The following HECTD4 variants were observed in gnomAD, a reference collection of about 807,000 sequenced individuals.
HECTD4 encodes the protein probable E3 ubiquitin-protein ligase HECTD4.
In HECTD4, 114 loss-of-function variants were observed where a neutral mutation model predicts 471.5. The ratio of observed to expected loss-of-function variants is 0.24; its 90% CI spans 0.21 to 0.28. The LOEUF (loss-of-function observed/expected upper bound fraction) is 0.28, where lower values mean the gene tolerates loss of function less well. HECTD4 is among the 10% of genes least tolerant of loss of function. The probability of loss-of-function intolerance (pLI) is 1.00; values close to 1 mark genes in which losing one functional copy is unlikely to be tolerated. For synonymous variants in HECTD4, 2,012 were observed against 2,256.0 expected (o/e 0.89, Z 3.07); for missense variants, 3,866 against 5,651.5 (o/e 0.68, Z 10.13).
At chr12:112,204,400 C>T (rs1237065113) in intron 53 of HECTD4, 86 bp downstream of exon 53, 33 of 1,294,858 alleles carry the variant, frequency 2.5e-5, no homozygotes, top group Non-Finnish European at 3.3e-5. Context: ...CCTAGGAGAA[C>T]CACCAGCTGC....
In HECTD4 at chr12:112,330,276, C is replaced by CA. The variant is rs34034288; in HGVS notation, c.178-10535dup. Among the ~76,000 whole-genome samples the CA allele has an allele frequency of 3.6e-3, 362 of 100,640 alleles. 1 individual carries two copies. The highest frequency in any genetic ancestry group is 0.02 in the Middle Eastern group (3 of 152). 66.0% of individuals were successfully genotyped at this position (100,640 alleles called of 152,430 possible). A position where few individuals can be genotyped will look rare whatever the true frequency, so the allele number is the denominator to read the frequency against. The stretch of plus-strand genomic sequence containing the variant: ...TGGGCAACAGAGTGATACTTTGTCT[C>CA]AAAAAAAAAAAAAAAGGAAGACATA... On this transcript the variant is annotated intron_variant, in intron 1 of 75. Transcript: ENST00000682272.
In HECTD4 at chr12:112,163,762, AG is replaced by A. The variant is rs1293555835; in HGVS notation, c.12702-26del. 17 of 1,432,758 alleles carry A rather than the reference AG, an allele frequency of 1.2e-5. No homozygotes were observed. Among genetic ancestry groups the A allele is most frequent in the Non-Finnish European group, 1.6e-5 (17 of 1,088,222 alleles). The allele number at this position is 1,432,758 out of a possible 1,614,324, so 88.8% of individuals were successfully genotyped here. On this transcript the variant is annotated intron_variant, in intron 73 of 75. Coordinates refer to ENST00000682272, the MANE Select transcript of HECTD4 (RefSeq NM_001388303.1). The surrounding 1 kb of genome is among the most constrained non-coding windows in gnomAD (Gnocchi z 8.2). Reference sequence around the variant, plus strand: ...CCTGCCCGGGTGAGGAGCACAGGTGAGGGAGAACACCGCCGAAGAGGCTGGG... The same window carrying A: ...CCTGCCCGGGTGAGGAGCACAGGTGAGGAGAACACCGCCGAAGAGGCTGGG...
chr12:112,293,751 G>C (rs2034948549), intron 7 of HECTD4, among the ~76,000 whole-genome samples: 1 of 152,176 alleles, frequency 6.6e-6, no homozygotes, highest in South Asian at 2.1e-4. Context: ...TCTGAGGAGG[G>C]AAACTGGGCT....
chr12:112,287,692 G>A (rs2034784039), intron 7 of HECTD4, among the ~76,000 whole-genome samples: 1 of 152,050 alleles, frequency 6.6e-6, no homozygotes, highest in African/African-American at 2.4e-5. Flanking sequence ...CCAGTAGGTA[G>A]AGGCAGAGGC....
chr12:112,262,438 C>T (rs1414297440), intron 17 of HECTD4, among the ~76,000 whole-genome samples: 2 of 136,002 alleles, frequency 1.5e-5, no homozygotes, highest in African/African-American at 5.6e-5. Flanking sequence ...ATCGTTTGAA[C>T]TCAGAAGATG....
intron 1 of HECTD4, among the ~76,000 whole-genome samples, chr12:112,362,928 C>T (rs2036480778): frequency 6.6e-6 from 1 of 151,994 alleles, no homozygotes; most frequent in South Asian, 2.1e-4. Flanking sequence ...TCTCGAATTC[C>T]CGACCTCATG....
At position 112,169,818 on chromosome 12, in the gene HECTD4, C is replaced by T. The variant is rs180692890; in HGVS notation, c.12053-160G>A. On this transcript the variant is annotated intron_variant, in intron 69 of 75. Transcript: ENST00000682272. ...TCTCTGCCCTCAGAACACCTTAGAG[C>T]CTTCTGTGCCTTAGCACTCATGGCT... The T allele has an allele frequency of 4.2e-4, 330 of 793,180 alleles. 1 individual carries two copies. The Middle Eastern group carries it at 0.012, about 28-fold the overall frequency. 49.1% of individuals were successfully genotyped at this position (793,180 alleles called of 1,614,324 possible).
rs769725649 is a variant in HECTD4 at position 112,264,127 on chromosome 12, T to C, written c.2705A>G (p.Asp902Gly). 1.2e-6 allele frequency: 2 copies of C among 1,609,312 alleles called. No individual in the cohort carries two copies. Among genetic ancestry groups the C allele is most frequent in the African/African-American group, 2.7e-5 (2 of 74,900 alleles). The change falls in exon 17 of 76, where the codon GAT becomes GGT. Residue 902 changes from aspartate to glycine, a missense_variant. Physicochemically the swap from Asp to Gly is moderately conservative, Grantham distance 94. Around this residue, in one of 16 missense-constraint regions of HECTD4, gnomAD observed 525 missense variants for 672.6 expected, o/e 0.78. Coordinates refer to ENST00000682272, the MANE Select transcript of HECTD4 (RefSeq NM_001388303.1). ...NTILIKPDEN[D>G]DSDSSLQGET... Reference sequence around the variant, plus strand: ...TCCCTGCAAGGAGCTGTCACTGTCATCATTCTCATCAGGTTTAATCAAAAT... The same window carrying C: ...TCCCTGCAAGGAGCTGTCACTGTCACCATTCTCATCAGGTTTAATCAAAAT...
intron 22 of HECTD4, among the ~76,000 whole-genome samples, chr12:112,253,669 T>G (rs2033946721): frequency 6.6e-6 from 1 of 152,250 alleles, no homozygotes; most frequent in Non-Finnish European, 1.5e-5. Context: ...CCCAAATTCA[T>G]CTGAACACAT....
In HECTD4 at chr12:112,163,636, G is replaced by C; in HGVS notation, c.12803C>G (p.Ser4268Cys). Residue 4268 changes from serine to cysteine, a missense_variant, in exon 74 of 76, where the codon TCC becomes TGC. Ser to Cys is a moderately radical substitution (Grantham distance 112, BLOSUM62 -1). Coordinates refer to ENST00000682272, the MANE Select transcript of HECTD4 (RefSeq NM_001388303.1). This position sits in a 1 kb window ranked among gnomAD's most constrained non-coding sequence, Gnocchi z 8.2. Reference sequence around the variant, plus strand: ...GGTCAGCAGCTGCAGGGGGATGATGGAGCCCAGGCCGGCCCGCACGGCCGT... The same window carrying C: ...GGTCAGCAGCTGCAGGGGGATGATGCAGCCCAGGCCGGCCCGCACGGCCGT... ...CVTAVRAGLG[S>C]IIPLQLLTML... 6.5e-7 allele frequency: 1 copy of C among 1,541,844 alleles called. No homozygotes were observed. Among genetic ancestry groups the C allele is most frequent in the Non-Finnish European group, 8.7e-7 (1 of 1,143,656 alleles).
Position 112,193,804 on chromosome 12 carries a change from T to A in HECTD4, c.8750-130A>T. 3 of 762,802 alleles carry A rather than the reference T, an allele frequency of 3.9e-6. No individual in the cohort carries two copies. The highest frequency in any genetic ancestry group is 2.7e-5 in the East Asian group (1 of 37,202). 47.3% of individuals were successfully genotyped at this position (762,802 alleles called of 1,614,324 possible). A position where few individuals can be genotyped will look rare whatever the true frequency, so the allele number is the denominator to read the frequency against. On this transcript the variant is annotated intron_variant, in intron 56 of 75. Transcript: ENST00000682272. The surrounding 1 kb of genome is among the most constrained non-coding windows in gnomAD (Gnocchi z 5.2). ...GAGGGTTATCCTGGATATGATGTCC[T>A]GGATAACAGATGCCGGCAATCAGAT...
At chr12:112,174,701 A>G (rs2137012501) in intron 66 of HECTD4, among the ~76,000 whole-genome samples, 1 of 152,020 alleles carries the variant, frequency 6.6e-6, no homozygotes, top group Admixed American at 6.5e-5. Flanking sequence ...AGTAGCTGGG[A>G]TTATAGGCAT....
chr12:112,307,891 C>T (rs974669842), intron 6 of HECTD4, among the ~76,000 whole-genome samples: 10 of 152,216 alleles, frequency 6.6e-5, no homozygotes, highest in South Asian at 2.1e-4. Context: ...GTTCTGGTGC[C>T]GCTACTATTG....
At chr12:112,315,917 A>AG (rs1444170320) in intron 2 of HECTD4, among the ~76,000 whole-genome samples, 3 of 151,274 alleles carry the variant, frequency 2.0e-5, no homozygotes, top group African/African-American at 4.9e-5. Context: ...AAAAAAAAAA[A>AG]AGAGAGACAG....
chr12:112,239,341 T>C lies in HECTD4; in HGVS notation c.5106-105A>G. On this transcript the variant is annotated intron_variant, in intron 33 of 75. Coordinates refer to ENST00000682272, the MANE Select transcript of HECTD4 (RefSeq NM_001388303.1). The surrounding 1 kb of genome is among the most constrained non-coding windows in gnomAD (Gnocchi z 4.9). ...CATAAAACATGCTGGTGCAGCTCTTTCCCTACAACTTAGGATACTGCCATG... is the reference window on the plus strand; with the variant it reads ...CATAAAACATGCTGGTGCAGCTCTTCCCCTACAACTTAGGATACTGCCATG... 2.1e-6 allele frequency: 2 copies of C among 944,106 alleles called. No homozygotes were observed. The highest frequency in any genetic ancestry group is 3.1e-6 in the Non-Finnish European group (2 of 652,030). 58.5% of individuals were successfully genotyped at this position (944,106 alleles called of 1,614,324 possible).
intron 37 of HECTD4, among the ~76,000 whole-genome samples, chr12:112,233,363 C>A (rs1242513329): frequency 2.0e-5 from 3 of 151,724 alleles, no homozygotes; most frequent in East Asian, 3.9e-4. Flanking sequence ...GCTGGGACCA[C>A]AGGTTCATGC....
chr12:112,286,522 C>T (rs2034758027), intron 7 of HECTD4, among the ~76,000 whole-genome samples: 1 of 152,084 alleles, frequency 6.6e-6, no homozygotes, highest in South Asian at 2.1e-4. Flanking sequence ...CAAACACACA[C>T]ACACACATAC....
At chr12:112,169,380 C>CA in intron 70 of HECTD4, 123 bp downstream of exon 70, 1 of 1,141,002 alleles carries the variant, frequency 8.8e-7, no homozygotes, top group Admixed American at 2.7e-5. Flanking sequence ...GACCTGGCTT[C>CA]TGCAGCACAA....
intron 1 of HECTD4, among the ~76,000 whole-genome samples, chr12:112,362,300 CTT>C (rs1284280761): frequency 6.6e-6 from 1 of 152,130 alleles, no homozygotes; most frequent in Admixed American, 6.6e-5. Flanking sequence ...TTTTTGTTTT[CTT>C]TTGTTTTTCT....
Sources: allele counts gnomAD v4.1 joint callset (sites outside exome capture counted in the v4.1 genomes callset), GRCh38; gene constraint gnomAD v4.1.1; regional missense constraint gnomAD v4.1.1; non-coding constraint Gnocchi (gnomAD v3.1); transcripts MANE v1.5; gene names NCBI Gene and HGNC (gene_info 2026-07-23, HGNC 2026-07-21).